TRIP12: variants seen among roughly 807,000 people sequenced by gnomAD.
TRIP12 encodes thyroid hormone receptor interactor 12.
Under a neutral mutation model 244.2 loss-of-function variants are expected in TRIP12, and 25 were observed. The ratio of observed to expected loss-of-function variants is 0.10; its 90% CI spans 0.07 to 0.14. TRIP12 has a LOEUF of 0.14. Among genes scored for constraint, TRIP12 ranks in the 10% least tolerant of loss-of-function variants. TRIP12 has a pLI of 1.00. For missense variants in TRIP12, 1,677 were observed against 2,486.4 expected (o/e 0.67, Z 6.92); for synonymous variants, 905 against 873.1 (o/e 1.04, Z -0.64).
chr2:229,876,500 A>G (rs1333022162), intron 2 of TRIP12, among the ~76,000 whole-genome samples: 1 of 152,218 alleles, frequency 6.6e-6, no homozygotes, highest in African/African-American at 2.4e-5. Context: ...TTCACAACTG[A>G]GCATATTATT....
chr2:229,832,306 G>A (rs144508887), intron 6 of TRIP12, among the ~76,000 whole-genome samples: 18 of 152,294 alleles, frequency 1.2e-4, no homozygotes, highest in Non-Finnish European at 1.8e-4. Context: ...GTCTGTGGCC[G>A]CTTTCACGCT....
intron 2 of TRIP12, among the ~76,000 whole-genome samples, chr2:229,863,443 C>T (rs1018941715): frequency 1.3e-5 from 2 of 152,002 alleles, no homozygotes; most frequent in Admixed American, 1.3e-4. Flanking sequence ...TTTCAGCTTC[C>T]TGGGCAATAC....
In TRIP12 at chr2:229,769,339, TA is replaced by T; in HGVS notation, c.5809-15del. ...GAGCTGATCCAGCTGTGAGTTTAAA[TA>T]AGGGTAAAAAGAATTACTAAGGAAA... is the stretch of plus-strand genomic sequence containing the variant. On this transcript the variant is annotated splice_polypyrimidine_tract_variant and intron_variant, in intron 39 of 41. Coordinates refer to ENST00000675903, the MANE Select transcript of TRIP12 (RefSeq NM_001348323.3). 2 of 1,612,234 alleles carry T rather than the reference TA, an allele frequency of 1.2e-6. No homozygotes were observed. Among genetic ancestry groups the T allele is most frequent in the Non-Finnish European group, 1.7e-6 (2 of 1,179,244 alleles).
chr2:229,824,669 A>T (rs2051023846), intron 8 of TRIP12, among the ~76,000 whole-genome samples: 1 of 152,234 alleles, frequency 6.6e-6, no homozygotes, highest in South Asian at 2.1e-4. Context: ...CGAAGAGTGA[A>T]CACCAAAATA....
chr2:229,868,880 G>A (rs1470470016), intron 2 of TRIP12, among the ~76,000 whole-genome samples: 1 of 152,126 alleles, frequency 6.6e-6, no homozygotes, highest in Admixed American at 6.5e-5. Flanking sequence ...CCTTTTTCTA[G>A]ATGCAAGGTA....
At chr2:229,822,244 C>T (rs2154291097) in intron 8 of TRIP12, among the ~76,000 whole-genome samples, 1 of 150,508 alleles carries the variant, frequency 6.6e-6, no homozygotes, top group Middle Eastern at 3.4e-3. Context: ...CAGAAGCCAA[C>T]ATCTCAACAG....
chr2:229,785,433 GTTA>G (rs1175893677), intron 34 of TRIP12, among the ~76,000 whole-genome samples: 1 of 152,122 alleles, frequency 6.6e-6, no homozygotes, highest in East Asian at 1.9e-4. Flanking sequence ...GAAGTATGCA[GTTA>G]TTATTTATAT....
chr2:229,773,963 A>G, intron 38 of TRIP12, 134 bp downstream of exon 38: 2 of 826,844 alleles, frequency 2.4e-6, no homozygotes, highest in Non-Finnish European at 3.8e-6. Context: ...TGCCTTGTAA[A>G]GCAGCCTTCA....
intron 13 of TRIP12, 77 bp from the exon 14 acceptor site, chr2:229,811,281 C>T: frequency 7.8e-6 from 11 of 1,414,660 alleles, no homozygotes; most frequent in Non-Finnish European, 1.1e-5. Flanking sequence ...CTTTATCTTC[C>T]TCCTAACCCC....
At position 229,848,332 on chromosome 2, in the gene TRIP12, C is replaced by G. The variant is rs997678269; in HGVS notation, c.1028-7405G>C. Reference sequence around the variant, plus strand: ...CAAAATGCAGGCCCCCCCCGCCCCCCCCACACACACAAATACTTGAGATTA... The same window carrying G: ...CAAAATGCAGGCCCCCCCCGCCCCCGCCACACACACAAATACTTGAGATTA... On this transcript the variant is annotated intron_variant, in intron 4 of 41. Coordinates refer to ENST00000675903, the MANE Select transcript of TRIP12 (RefSeq NM_001348323.3). Among the ~76,000 whole-genome samples, 4 of 136,652 alleles carry G rather than the reference C, an allele frequency of 2.9e-5. No individual in the cohort carries two copies. In the East Asian group the frequency reaches 7.6e-4, roughly 26 times the overall value. 89.6% of individuals were successfully genotyped at this position (136,652 alleles called of 152,430 possible).
At chr2:229,904,635 G>A (rs1337348107) in intron 1 of TRIP12, among the ~76,000 whole-genome samples, 2 of 151,996 alleles carry the variant, frequency 1.3e-5, no homozygotes, top group Non-Finnish European at 2.9e-5. Flanking sequence ...GGTTATATGA[G>A]GTGGCAAAAT....
chr2:229,841,016 A>C, intron 4 of TRIP12, 89 bp from the exon 5 acceptor site: 1 of 919,720 alleles, frequency 1.1e-6, no homozygotes, highest in Non-Finnish European at 1.7e-6. Flanking sequence ...ATCATGTTCA[A>C]AACTTCACAG....
chr2:229,802,213 C>T (rs755590341), intron 21 of TRIP12, 39 bp downstream of exon 21: 7 of 1,533,524 alleles, frequency 4.6e-6, no homozygotes, highest in Non-Finnish European at 6.2e-6. Context: ...GCAGCGCTAA[C>T]AGCAAAGAAA....
At chr2:229,849,083 A>C (rs1309206137) in intron 4 of TRIP12, among the ~76,000 whole-genome samples, 1 of 152,220 alleles carries the variant, frequency 6.6e-6, no homozygotes, top group Non-Finnish European at 1.5e-5. Flanking sequence ...CATAATGAAC[A>C]ACCATCCAGA....
chr2:229,823,565 A>C (rs1490304297), intron 8 of TRIP12, among the ~76,000 whole-genome samples: 27 of 152,048 alleles, frequency 1.8e-4, no homozygotes, highest in Non-Finnish European at 1.2e-4. Context: ...AGTCCCAGCT[A>C]CTCGGGAGGT....
intron 4 of TRIP12, among the ~76,000 whole-genome samples, chr2:229,847,928 A>T (rs2154321149): frequency 6.6e-6 from 1 of 152,300 alleles, no homozygotes; most frequent in Admixed American, 6.5e-5. Context: ...TAAGAGGGAG[A>T]GAAGGGAATC....
intron 34 of TRIP12, among the ~76,000 whole-genome samples, chr2:229,780,703 A>C (rs2037854400): frequency 6.6e-6 from 1 of 152,066 alleles, no homozygotes; most frequent in Admixed American, 6.5e-5. Flanking sequence ...CCTCCACTCA[A>C]ATGTCCTCAG....
chr2:229,782,812 T>G (rs553320544), intron 34 of TRIP12, among the ~76,000 whole-genome samples: 3 of 152,318 alleles, frequency 2.0e-5, no homozygotes, highest in African/African-American at 7.2e-5. Flanking sequence ...GTTCATGAAC[T>G]CAGTCACAAC....
intron 1 of TRIP12, among the ~76,000 whole-genome samples, chr2:229,882,802 T>C (rs2065151290): frequency 6.6e-6 from 1 of 152,222 alleles, no homozygotes; most frequent in South Asian, 2.1e-4. Context: ...TGTTTTGACC[T>C]AGAGTCACCT....
Sources: gnomAD v4.1 joint callset for allele counts (sites outside exome capture counted in the v4.1 genomes callset) on GRCh38, gnomAD v4.1.1 for gene constraint, MANE v1.5 for transcripts, NCBI Gene and HGNC (gene_info 2026-07-23, HGNC 2026-07-21) for gene names.